KCTD9: variants seen among roughly 807,000 people sequenced by gnomAD.
KCTD9 encodes BTB/POZ domain-containing protein KCTD9.
KCTD9 carries 17 observed loss-of-function variants against 53.3 expected under a neutral mutation model. The ratio of observed to expected loss-of-function variants is 0.32; its 90% CI spans 0.22 to 0.48. The LOEUF (loss-of-function observed/expected upper bound fraction) is 0.48, where lower values mean the gene tolerates loss of function less well. Ranked by LOEUF, KCTD9 falls within the 20% of genes least tolerant of loss-of-function variation. KCTD9 has a pLI of 0.99. For missense variants in KCTD9, 179 were observed against 465.5 expected, an observed-to-expected ratio of 0.38 and a Z score of 5.66; for synonymous variants, 128 against 162.7, an observed-to-expected ratio of 0.79 and a Z score of 1.62.
At chr8:25,431,280 A>AG (rs1801925406) in intron 11 of KCTD9, among the ~76,000 whole-genome samples, 1 of 152,170 alleles carries the variant, frequency 6.6e-6, no homozygotes, top group South Asian at 2.1e-4. Context: ...CCCTAGCCCT[A>AG]GTATTTTTAT....
chr8:25,440,498 A>C, intron 4 of KCTD9, 79 bp downstream of exon 4: 2 of 944,168 alleles, frequency 2.1e-6, no homozygotes, highest in Non-Finnish European at 3.5e-6. Context: ...TCTTTTAAGG[A>C]AATCAGCAAA....
At chr8:25,457,261 T>A (rs1802464177) in intron 1 of KCTD9, 1 of 541,184 alleles carries the variant, frequency 1.8e-6, no homozygotes, top group Admixed American at 6.4e-5. Context: ...GGCAGCAGAG[T>A]ATTTTGGCAA....
chr8:25,443,092 T>G (rs1011025503), intron 3 of KCTD9, among the ~76,000 whole-genome samples: 1 of 152,152 alleles, frequency 6.6e-6, no homozygotes, highest in African/African-American at 2.4e-5. Context: ...ACATATAAAC[T>G]TTATATCCTA....
chr8:25,430,267 C>T (rs1801902275), intron 11 of KCTD9, among the ~76,000 whole-genome samples: 1 of 152,152 alleles, frequency 6.6e-6, no homozygotes, highest in African/African-American at 2.4e-5. Flanking sequence ...GGGTCCCCAA[C>T]CCCTGGGCCA....
chr8:25,441,356 A>G (rs981733225), intron 3 of KCTD9, among the ~76,000 whole-genome samples: 1 of 152,308 alleles, frequency 6.6e-6, no homozygotes, highest in African/African-American at 2.4e-5. Flanking sequence ...AACTAATTTC[A>G]TATAAAAATG....
At chr8:25,449,785 A>G (rs1802283803) in intron 1 of KCTD9, among the ~76,000 whole-genome samples, 1 of 152,100 alleles carries the variant, frequency 6.6e-6, no homozygotes, top group South Asian at 2.1e-4. Flanking sequence ...CCATCATCTC[A>G]GTAGTTCTAT....
chr8:25,453,441 G>A (rs1343637303), intron 1 of KCTD9, among the ~76,000 whole-genome samples: 1 of 151,804 alleles, frequency 6.6e-6, no homozygotes, highest in Admixed American at 6.6e-5. Context: ...GGATCACGAA[G>A]TCAGGAGTTT....
At chr8:25,430,077 A>C in intron 11 of KCTD9, 104 bp from the exon 12 acceptor site, 1 of 722,040 alleles carries the variant, frequency 1.4e-6, no homozygotes, top group Non-Finnish European at 2.5e-6. Flanking sequence ...ATGTTCTTAT[A>C]CAATAAAACT....
intron 1 of KCTD9, among the ~76,000 whole-genome samples, chr8:25,447,858 G>A (rs1802244189): frequency 6.6e-6 from 1 of 152,196 alleles, no homozygotes; most frequent in Non-Finnish European, 1.5e-5. Flanking sequence ...CAGGTACAAT[G>A]GCTCATGCCT....
intron 4 of KCTD9, among the ~76,000 whole-genome samples, chr8:25,440,199 C>A (rs1371097681): frequency 2.7e-5 from 4 of 150,544 alleles, no homozygotes; most frequent in African/African-American, 9.7e-5. Context: ...GCTGGGACTA[C>A]AGGCGCCCGC....
chr8:25,435,320 A>C, intron 9 of KCTD9, 43 bp downstream of exon 9: 1 of 1,445,100 alleles, frequency 6.9e-7, no homozygotes, highest in Non-Finnish European at 9.3e-7. Context: ...TGTTCAATAG[A>C]CTAAACATTT....
intron 3 of KCTD9, 121 bp from the exon 4 acceptor site, chr8:25,440,794 C>G: frequency 1.5e-6 from 1 of 676,250 alleles, no homozygotes; most frequent in Admixed American, 2.3e-5. Flanking sequence ...GCTACTAGGA[C>G]AGCAATACCC....
At chr8:25,449,607 T>A (rs999765995) in intron 1 of KCTD9, among the ~76,000 whole-genome samples, 1 of 152,204 alleles carries the variant, frequency 6.6e-6, no homozygotes, top group African/African-American at 2.4e-5. Context: ...CCACCTGCCA[T>A]GTTTTAAAGC....
At chr8:25,439,045 T>C (rs996087019) in intron 6 of KCTD9, among the ~76,000 whole-genome samples, 4 of 152,224 alleles carry the variant, frequency 2.6e-5, no homozygotes, top group African/African-American at 9.6e-5. Flanking sequence ...GGCTTACATA[T>C]TTAGCTATAT....
chr8:25,444,427 T>C (rs956894163), intron 2 of KCTD9, 92 bp from the exon 3 acceptor site: 14 of 1,208,240 alleles, frequency 1.2e-5, no homozygotes, highest in Non-Finnish European at 1.7e-5. Context: ...TACAATTATA[T>C]AGACAATAGG....
At chr8:25,433,554 C>T in intron 9 of KCTD9, 119 bp from the exon 10 acceptor site, 1 of 452,256 alleles carries the variant, frequency 2.2e-6, no homozygotes, top group Non-Finnish European at 4.0e-6. Flanking sequence ...CACTCATACT[C>T]AATTTTATTT....
chr8:25,445,268 CTGAG>C (rs1186170926), intron 2 of KCTD9, among the ~76,000 whole-genome samples: 3 of 152,146 alleles, frequency 2.0e-5, no homozygotes, highest in Non-Finnish European at 4.4e-5. Context: ...GCTGTATGAC[CTGAG>C]TGAGTCCTCA....
rs1428729835 is a variant in KCTD9, at chr8:25,433,455, G to A, written c.814-20C>T. The A allele has an allele frequency of 6.2e-6, 9 of 1,449,378 alleles. No homozygotes were observed. The highest frequency in any genetic ancestry group is 5.9e-5 in the Admixed American group (3 of 50,738). 89.8% of individuals were successfully genotyped at this position (1,449,378 alleles called of 1,614,324 possible). A position where few individuals can be genotyped will look rare whatever the true frequency, so the allele number is the denominator to read the frequency against. The stretch of plus-strand genomic sequence containing the variant: ...CGCACACTGCAAAGAAAAGAGAAAA[G>A]TCCTGGTTGTAAGGTTCATAATTTT... On this transcript the variant is annotated intron_variant, in intron 9 of 11. Transcript: ENST00000221200.
At chr8:25,431,174 GAAC>G (rs1255085220) in intron 11 of KCTD9, among the ~76,000 whole-genome samples, 7 of 151,830 alleles carry the variant, frequency 4.6e-5, no homozygotes, top group East Asian at 3.9e-4. Flanking sequence ...TATGATCCAA[GAAC>G]AACAACAACA....
Sources: gnomAD v4.1 joint callset for allele counts (sites outside exome capture counted in the v4.1 genomes callset) on GRCh38, gnomAD v4.1.1 for gene constraint, MANE v1.5 for transcripts, NCBI Gene and HGNC (gene_info 2026-07-23, HGNC 2026-07-21) for gene names.